RGS7: variants seen among roughly 807,000 people sequenced by gnomAD.
The protein encoded by RGS7 is regulator of G protein signaling 7, also known as regulator of G-protein signaling 7.
A neutral mutation model predicts 81.1 loss-of-function variants in RGS7; 27 were observed. The observed-to-expected ratio is 0.33, with a 90% CI of 0.25 to 0.46. The LOEUF (loss-of-function observed/expected upper bound fraction) is 0.46. RGS7 is among the 20% of genes least tolerant of loss of function. RGS7 has a pLI of 1.00. For missense variants in RGS7, 396 were observed against 607.4 expected (o/e 0.65, Z 3.66); for synonymous variants, 208 against 207.7 (o/e 1.00, Z -0.01).
In RGS7 at chr1:241,229,482, C is replaced by T. The variant is rs111753737; in HGVS notation, c.78+126217G>A. Among the ~76,000 whole-genome samples, 645 of 152,346 alleles carry T rather than the reference C, an allele frequency of 4.2e-3. 6 individuals are homozygous for T. The highest frequency in any genetic ancestry group is 0.015 in the African/African-American group (620 of 41,580). ...ATTTAGAGGGTAGACTTCCTCCACACTCCAGTCATCCGGTGCCATCTGTCT... is the reference window on the plus strand; with the variant it reads ...ATTTAGAGGGTAGACTTCCTCCACATTCCAGTCATCCGGTGCCATCTGTCT... On this transcript the variant is annotated intron_variant, in intron 2 of 18. Transcript: ENST00000440928.
At chr1:241,304,243 G>T (rs1212341544) in intron 2 of RGS7, among the ~76,000 whole-genome samples, 4 of 152,138 alleles carry the variant, frequency 2.6e-5, no homozygotes, top group African/African-American at 9.7e-5. Flanking sequence ...TATTTTAACA[G>T]GATCACTCTG....
chr1:240,888,936 A>G (rs989630020), intron 6 of RGS7, among the ~76,000 whole-genome samples: 2 of 152,060 alleles, frequency 1.3e-5, no homozygotes, highest in Non-Finnish European at 2.9e-5. Flanking sequence ...AAAGGCCTCA[A>G]TGAAGAAAGA....
intron 9 of RGS7, among the ~76,000 whole-genome samples, chr1:240,866,312 T>C (rs970852356): frequency 2.0e-5 from 3 of 151,692 alleles, no homozygotes; most frequent in Non-Finnish European, 4.4e-5. Context: ...GAGATCGAGA[T>C]CATCCTTGCT....
At chr1:241,136,142 G>A (rs773936911) in intron 2 of RGS7, among the ~76,000 whole-genome samples, 32 of 152,146 alleles carry the variant, frequency 2.1e-4, no homozygotes, top group Non-Finnish European at 4.4e-4. Flanking sequence ...TAGCCGGTAG[G>A]TGAAGCTCTT....
At chr1:241,175,184 G>A (rs1186517134) in intron 2 of RGS7, among the ~76,000 whole-genome samples, 3 of 152,100 alleles carry the variant, frequency 2.0e-5, no homozygotes, top group South Asian at 4.1e-4. Flanking sequence ...TTACAGGTAT[G>A]AGCCACTATT....
At chr1:241,084,746 C>G (rs911504899) in intron 3 of RGS7, among the ~76,000 whole-genome samples, 2 of 152,162 alleles carry the variant, frequency 1.3e-5, no homozygotes, top group Non-Finnish European at 2.9e-5. Flanking sequence ...GACTCCGTGC[C>G]TTAATTATCA....
chr1:241,062,795 G>A (rs1044145359), intron 3 of RGS7, among the ~76,000 whole-genome samples: 1 of 152,112 alleles, frequency 6.6e-6, no homozygotes, highest in Non-Finnish European at 1.5e-5. Flanking sequence ...AGGAAACACC[G>A]TAGAGTATAG....
intron 2 of RGS7, among the ~76,000 whole-genome samples, chr1:241,261,006 G>A (rs1228538934): frequency 6.6e-6 from 1 of 151,310 alleles, no homozygotes; most frequent in Non-Finnish European, 1.5e-5. Flanking sequence ...ACACCAGCAT[G>A]GCACATGTAT....
chr1:241,308,855 G>A (rs2080332191), intron 2 of RGS7, among the ~76,000 whole-genome samples: 1 of 152,108 alleles, frequency 6.6e-6, no homozygotes, highest in South Asian at 2.1e-4. Context: ...CCCCCAAAAT[G>A]TTTGAATTTT....
intron 3 of RGS7, among the ~76,000 whole-genome samples, chr1:241,035,108 A>G (rs2060260955): frequency 6.6e-6 from 1 of 152,196 alleles, no homozygotes; most frequent in Non-Finnish European, 1.5e-5. Context: ...TACAATGAGA[A>G]GAGGCATCAT....
chr1:241,221,057 AAGAG>A (rs1169899552), intron 2 of RGS7, among the ~76,000 whole-genome samples: 26 of 125,624 alleles, frequency 2.1e-4, no homozygotes, highest in East Asian at 4.9e-4. Context: ...GAAAGAAAGA[AAGAG>A]AGAGAGAGAG....
intron 10 of RGS7, among the ~76,000 whole-genome samples, chr1:240,818,367 G>A (rs781728856): frequency 2.0e-5 from 3 of 151,732 alleles, no homozygotes; most frequent in Non-Finnish European, 2.9e-5. Flanking sequence ...AAGTTACACA[G>A]GTAATTACAC....
chr1:241,116,992 A>G (rs2065922525), intron 2 of RGS7, among the ~76,000 whole-genome samples: 1 of 152,150 alleles, frequency 6.6e-6, no homozygotes, highest in Non-Finnish European at 1.5e-5. Context: ...GGGTTCTGAG[A>G]ATTAAACCGA....
chr1:240,826,568 C>G (rs1271404311), intron 10 of RGS7, among the ~76,000 whole-genome samples: 1 of 152,124 alleles, frequency 6.6e-6, no homozygotes, highest in Non-Finnish European at 1.5e-5. Context: ...AATAAAAATG[C>G]CTTCTAGTTG....
intron 4 of RGS7, among the ~76,000 whole-genome samples, chr1:240,947,296 T>A (rs1024470904): frequency 6.6e-6 from 1 of 152,242 alleles, no homozygotes; most frequent in Non-Finnish European, 1.5e-5. Context: ...TTAGAACACG[T>A]ATCTTCAGAC....
intron 2 of RGS7, among the ~76,000 whole-genome samples, chr1:241,100,133 T>C (rs868576789): frequency 6.6e-6 from 1 of 150,844 alleles, no homozygotes; most frequent in South Asian, 2.1e-4. Flanking sequence ...CCCAGCACTT[T>C]GGGAGGCCGA....
chr1:240,927,903 G>A (rs1438809514), intron 6 of RGS7, among the ~76,000 whole-genome samples: 1 of 152,164 alleles, frequency 6.6e-6, no homozygotes, highest in African/African-American at 2.4e-5. Flanking sequence ...GGACACCAGT[G>A]GATGGTAACA....
chr1:241,165,329 C>T (rs2070105290), intron 2 of RGS7, among the ~76,000 whole-genome samples: 1 of 152,150 alleles, frequency 6.6e-6, no homozygotes, highest in Non-Finnish European at 1.5e-5. Flanking sequence ...GACACATGCA[C>T]ACGTATGTTT....
chr1:241,088,648 G>C (rs978985725), intron 3 of RGS7, among the ~76,000 whole-genome samples: 9 of 152,036 alleles, frequency 5.9e-5, no homozygotes, highest in East Asian at 1.9e-4. Flanking sequence ...AACTTCCACC[G>C]TAATACTAAT....
Sources: allele counts gnomAD v4.1 joint callset (sites outside exome capture counted in the v4.1 genomes callset), GRCh38; gene constraint gnomAD v4.1.1; transcripts MANE v1.5; gene names NCBI Gene and HGNC (gene_info 2026-07-23, HGNC 2026-07-21).